Variants in MBP observed in about 807,000 individuals in gnomAD.
MBP encodes the protein Golli-MBP.
In MBP, 16 loss-of-function variants were observed where a neutral mutation model predicts 35.8. The ratio of observed to expected loss-of-function variants is 0.45; its 90% confidence interval spans 0.30 to 0.68. The LOEUF is 0.68. Ranked by LOEUF, MBP falls within the 30% of genes least tolerant of loss-of-function variation. The pLI, the probability that MBP is intolerant of heterozygous loss-of-function variation, is 0.08. For synonymous variants in MBP, 143 were observed against 159.6 expected (o/e 0.90, Z 0.78); for missense variants, 380 against 404.7 (o/e 0.94, Z 0.52).
intron 1 of MBP, among the ~76,000 whole-genome samples, chr18:77,128,471 A>G (rs1379582559): frequency 2.6e-5 from 4 of 152,068 alleles, no homozygotes; most frequent in South Asian, 4.2e-4. Flanking sequence ...TGGTGGTCAC[A>G]TGGTTCTACA....
chr18:77,094,381 G>A (rs376458232), intron 2 of MBP, among the ~76,000 whole-genome samples: 3 of 152,320 alleles, frequency 2.0e-5, no homozygotes, highest in African/African-American at 7.2e-5. Flanking sequence ...GGTGGGCTTT[G>A]GGGGGTGCAT....
At chr18:77,052,804 G>T (rs991142621) in intron 3 of MBP, among the ~76,000 whole-genome samples, 3 of 152,060 alleles carry the variant, frequency 2.0e-5, no homozygotes. Context: ...GCAACACCGG[G>T]CCTGAGTCCC....
intron 2 of MBP, among the ~76,000 whole-genome samples, chr18:77,092,369 C>T (rs1291176552): frequency 6.6e-6 from 1 of 152,210 alleles, no homozygotes; most frequent in Non-Finnish European, 1.5e-5. Flanking sequence ...TCCACTCTTC[C>T]AGGAAGGAGC....
At chr18:77,095,603 G>C (rs1350401156) in intron 2 of MBP, 2 of 152,246 alleles carry the variant, frequency 1.3e-5, no homozygotes, top group African/African-American at 4.8e-5. Flanking sequence ...ATTGCAAGAG[G>C]AAGTGTAAGG....
At chr18:77,032,555 G>A (rs1200382165) in intron 3 of MBP, among the ~76,000 whole-genome samples, 2 of 152,250 alleles carry the variant, frequency 1.3e-5, no homozygotes, top group Admixed American at 6.5e-5. Flanking sequence ...TCGGCGAGGC[G>A]CGGCCATGCG....
intron 4 of MBP, chr18:77,015,388 G>A (rs1348145386): frequency 1.5e-5 from 15 of 985,300 alleles, no homozygotes; most frequent in Non-Finnish European, 1.8e-5. Context: ...ATCCATACAT[G>A]TCTGGTGTGG....
In MBP at chr18:77,102,826, T is replaced by C. The variant is rs183895224; in HGVS notation, c.51+2385A>G. ...GAGGCCTCTGAGCAGAGCTGTTTTT[T>C]CCACTTTCACTTTAGGTGAAACTTA... On this transcript the variant is annotated intron_variant, in intron 2 of 8. Transcript: ENST00000355994. This position sits in a 1 kb window ranked among gnomAD's most constrained non-coding sequence, Gnocchi z 4.4. Among the ~76,000 whole-genome samples, 1 of 152,352 alleles carries C rather than the reference T, an allele frequency of 6.6e-6. No homozygotes were observed. Among genetic ancestry groups the C allele is most frequent in the African/African-American group, 2.4e-5 (1 of 41,576 alleles).
At chr18:77,092,773 C>T (rs1015230903) in intron 2 of MBP, among the ~76,000 whole-genome samples, 4 of 152,124 alleles carry the variant, frequency 2.6e-5, no homozygotes, top group Admixed American at 1.3e-4. Context: ...CCAGACCCCT[C>T]GGAGAAGCAG....
At chr18:77,127,306 C>T (rs952401491) in intron 1 of MBP, 2 of 152,180 alleles carry the variant, frequency 1.3e-5, no homozygotes, top group Admixed American at 6.5e-5. Context: ...AACTAATAGT[C>T]CCGGAGCTAT....
At position 77,099,866 on chromosome 18, in the gene MBP, C is replaced by G. The variant is rs145713551; in HGVS notation, c.51+5345G>C. Among the ~76,000 whole-genome samples, 314 of 152,350 alleles carry G rather than the reference C, an allele frequency of 2.1e-3. 1 individual carries two copies. Among genetic ancestry groups the G allele is most frequent in the African/African-American group, 7.0e-3 (291 of 41,578 alleles). On this transcript the variant is annotated intron_variant, in intron 2 of 8. Transcript: ENST00000355994. ...ACAGGAAGGGCCCAACCAGGGTCTG[C>G]AGAAGGGAAACCAGGTCTGCTGTCT...
At chr18:76,998,386 G>A (rs1970443593) in intron 4 of MBP, among the ~76,000 whole-genome samples, 2 of 152,188 alleles carry the variant, frequency 1.3e-5, no homozygotes, top group Non-Finnish European at 2.9e-5. Flanking sequence ...CACCGTATGC[G>A]CGGATTGCTT....
intron 7 of MBP, chr18:76,985,652 G>A (rs1365783165): frequency 5.7e-6 from 6 of 1,060,472 alleles, no homozygotes; most frequent in African/African-American, 3.4e-5. Context: ...TGGCAGCAGC[G>A]GGACAGCGTC....
Position 77,131,306 on chromosome 18 carries a change from G to A in MBP, c.-26+1274C>T, listed in dbSNP as rs930183726. Reference sequence around the variant, plus strand: ...ACGGTCCCCTGACTTGAGGGTGACCGTCCTTAAACTGTCCCCCGGAGCTTC... The same window carrying A: ...ACGGTCCCCTGACTTGAGGGTGACCATCCTTAAACTGTCCCCCGGAGCTTC... On this transcript the variant is annotated intron_variant, in intron 1 of 8. Transcript: ENST00000355994. This position sits in a 1 kb window ranked among gnomAD's most constrained non-coding sequence, Gnocchi z 5.5. 2.0e-5 allele frequency among the ~76,000 whole-genome samples: 3 copies of A among 152,146 alleles called. No homozygotes were observed. Among genetic ancestry groups the A allele is most frequent in the African/African-American group, 7.2e-5 (3 of 41,428 alleles).
chr18:77,082,352 C>T (rs972901058), intron 2 of MBP, among the ~76,000 whole-genome samples: 3 of 152,116 alleles, frequency 2.0e-5, no homozygotes, highest in African/African-American at 7.2e-5. Context: ...TCGCAAAAAC[C>T]CGCCTTTTCA....
At chr18:77,081,781 C>CGCATATATATATGCACACACATAT (rs1568329849) in intron 2 of MBP, among the ~76,000 whole-genome samples, 3 of 50,658 alleles carry the variant, frequency 5.9e-5, no homozygotes, top group African/African-American at 1.7e-4. Flanking sequence ...CACACACACA[C>CGCATATATATATGCACACACATAT]ACACACACAC....
chr18:76,984,740 C>A, intron 8 of MBP, 35 bp downstream of exon 8: 1 of 1,613,436 alleles, frequency 6.2e-7, no homozygotes, highest in Non-Finnish European at 8.5e-7. Context: ...AGCCCTTAGT[C>A]CCCGCTCAGT....
At chr18:77,038,396 G>C (rs750791754) in intron 3 of MBP, among the ~76,000 whole-genome samples, 3 of 152,242 alleles carry the variant, frequency 2.0e-5, no homozygotes, top group East Asian at 1.9e-4. Context: ...GCCATACATA[G>C]AGTGTATGTT....
At chr18:77,037,961 C>T (rs12604476) in intron 3 of MBP, among the ~76,000 whole-genome samples, 47,484 of 152,152 alleles carry the variant, frequency 0.31, 7,529 homozygotes, top group South Asian at 0.48. Flanking sequence ...AATGCAGAGT[C>T]GCAGTAGGGA....
At chr18:76,992,800 C>T (rs1166727335) in intron 4 of MBP, among the ~76,000 whole-genome samples, 1 of 152,206 alleles carries the variant, frequency 6.6e-6, no homozygotes, top group East Asian at 1.9e-4. Context: ...GCCAGAGCCC[C>T]AGCCCCAGCT....
Sources: gnomAD v4.1 joint callset for allele counts (sites outside exome capture counted in the v4.1 genomes callset) on GRCh38, gnomAD v4.1.1 for gene constraint, Gnocchi (gnomAD v3.1) non-coding constraint, MANE v1.5 for transcripts, NCBI Gene and HGNC (gene_info 2026-07-23, HGNC 2026-07-21) for gene names.